The following CILP variants were observed in gnomAD, a reference collection of about 807,000 sequenced individuals.
The protein encoded by CILP is cartilage intermediate layer protein 1.
Under a neutral mutation model 82.5 loss-of-function variants are expected in CILP, and 75 were observed. That is an observed-to-expected ratio of 0.91 (90% CI 0.75 to 1.10). CILP has a LOEUF of 1.10. Ranked by LOEUF, CILP falls within the 50% of genes least tolerant of loss-of-function variation. The pLI is 0.00. For missense variants in CILP, 1,479 were observed against 1,530.8 expected, an observed-to-expected ratio of 0.97 and a Z score of 0.56; for synonymous variants, 530 against 580.3, an observed-to-expected ratio of 0.91 and a Z score of 1.25.
Position 65,209,680 on chromosome 15 carries a change from A to G in CILP, c.61+15T>C, listed in dbSNP as rs1417083954. The G allele has an allele frequency of 3.7e-6, 6 of 1,613,602 alleles. No homozygotes were observed. Among genetic ancestry groups the G allele is most frequent in the African/African-American group, 2.7e-5 (2 of 74,900 alleles). On this transcript the variant is annotated intron_variant, in intron 2 of 8. Transcript: ENST00000261883. ...AAGTGGAAGATTTGGGAGCCAGCAG[A>G]TACTTAGCCTATACCCAACACAGAT...
Position 65,197,303 on chromosome 15 carries a change from C to G in CILP, c.2983G>C (p.Asp995His). The change falls in exon 9 of 9, where the codon GAC becomes CAC. Residue 995 changes from aspartate to histidine, a missense_variant. Coordinates refer to ENST00000261883, the MANE Select transcript of CILP (RefSeq NM_003613.4). ...GCTGAGACATTGGGCTGGTCCCTGT[C>G]CCGAGTGCTCCTCACATCTCGGATT... ...YGIRDVRSTR[D>H]RDQPNVSAAC... 1.2e-6 allele frequency: 2 copies of G among 1,614,038 alleles called. No individual in the cohort carries two copies. The highest frequency in any genetic ancestry group is 2.2e-5 in the South Asian group (2 of 91,028).
At chr15:65,206,337 A>C (rs2088517150) in intron 4 of CILP, among the ~76,000 whole-genome samples, 1 of 152,298 alleles carries the variant, frequency 6.6e-6, no homozygotes, top group South Asian at 2.1e-4. Flanking sequence ...CTCTGCATTC[A>C]TATCATTTAA....
At position 65,202,038 on chromosome 15, in the gene CILP, G is replaced by A; in HGVS notation, c.1029-9C>T. 1 of 1,562,696 alleles carries A rather than the reference G, an allele frequency of 6.4e-7. No individual in the cohort carries two copies. Among genetic ancestry groups the A allele is most frequent in the Non-Finnish European group, 8.7e-7 (1 of 1,153,888 alleles). ...ATGTGTCATTATGATACCTGCAAGG[G>A]ATGGAGAGGTAGAACCTGAATGGGC... is the stretch of plus-strand genomic sequence containing the variant. On this transcript the variant is annotated splice_polypyrimidine_tract_variant and intron_variant, in intron 7 of 8. Transcript: ENST00000261883.
rs2140672827 is a variant in CILP, at chr15:65,198,978, A to G, written c.1308T>C (p.Thr436=). 6.2e-7 allele frequency: 1 copy of G among 1,613,354 alleles called. No individual in the cohort carries two copies. Among genetic ancestry groups the G allele is most frequent in the Non-Finnish European group, 8.5e-7 (1 of 1,180,016 alleles). The change falls in exon 9 of 9, where the codon ACT becomes ACC. Residue 436 remains threonine (T), a synonymous_variant. Transcript: ENST00000261883. ...YYDVGRCPVK[T]CAGQQDNGIR... Reference sequence around the variant, plus strand: ...TCCCATTATCCTGCTGCCCTGCACAAGTCTTAACAGGGCAGCGTCCCACGT... The same window carrying G: ...TCCCATTATCCTGCTGCCCTGCACAGGTCTTAACAGGGCAGCGTCCCACGT...
At chr15:65,199,772 G>A (rs1049351418) in intron 8 of CILP, among the ~76,000 whole-genome samples, 31 of 152,216 alleles carry the variant, frequency 2.0e-4, no homozygotes, top group African/African-American at 6.3e-4. Context: ...GCAGTTAGCC[G>A]TGAGTGTGCC....
intron 2 of CILP, 54 bp downstream of exon 2, chr15:65,209,640 CA>C: frequency 6.4e-7 from 1 of 1,573,298 alleles, no homozygotes; most frequent in Non-Finnish European, 8.7e-7. Context: ...AGACCAGACA[CA>C]ACCTCACTGT....
rs767742089 is a variant in CILP, at chr15:65,196,681, A to G, written c.*50T>C. ...GTGACAGTTTGTGCATCAGTCTCACAATGGCTGTCACATGAAATGAGGGCA... is the reference window on the plus strand; with the variant it reads ...GTGACAGTTTGTGCATCAGTCTCACGATGGCTGTCACATGAAATGAGGGCA... On this transcript the variant is annotated 3_prime_UTR_variant, in exon 9 of 9. Coordinates refer to ENST00000261883, the MANE Select transcript of CILP (RefSeq NM_003613.4). The G allele has an allele frequency of 6.9e-7, 1 of 1,443,786 alleles. No individual in the cohort carries two copies. The highest frequency in any genetic ancestry group is 2.3e-5 in the East Asian group (1 of 43,112). The allele number at this position is 1,443,786 out of a possible 1,614,324, so 89.4% of individuals were successfully genotyped here.
At chr15:65,210,455 C>A (rs533174846) in intron 1 of CILP, among the ~76,000 whole-genome samples, 51 of 152,114 alleles carry the variant, frequency 3.4e-4, no homozygotes, top group African/African-American at 1.2e-3. Flanking sequence ...AGCCAGCTGA[C>A]GGAAAGCAGA....
intron 2 of CILP, among the ~76,000 whole-genome samples, chr15:65,209,058 G>A (rs1020612090): frequency 9.0e-6 from 1 of 111,248 alleles, no homozygotes; most frequent in Non-Finnish European, 1.7e-5. Flanking sequence ...ACCTGAGTAT[G>A]TGCTTAGAAA....
intron 7 of CILP, 60 bp downstream of exon 7, chr15:65,203,302 A>G (rs1317645602): frequency 2.6e-6 from 3 of 1,145,962 alleles, no homozygotes; most frequent in African/African-American, 3.1e-5. Context: ...TCCAGACCCA[A>G]TGCAAGAAGC....
chr15:65,207,671 C>T lies in CILP; in HGVS notation c.154+1G>A. ...CCCTCCCTGCTTCAGCCACAACTCA[C>T]TCTCCAGGGTGTCGGCAGGCTTGGC... On this transcript the variant is annotated splice_donor_variant, in intron 3 of 8. Coordinates refer to ENST00000261883, the MANE Select transcript of CILP (RefSeq NM_003613.4). LOFTEE classifies it high-confidence loss of function. The T allele has an allele frequency of 6.2e-7, 1 of 1,614,066 alleles. No homozygotes were observed. Among genetic ancestry groups the T allele is most frequent in the South Asian group, 1.1e-5 (1 of 91,066 alleles).
chr15:65,201,889 G>A lies in CILP; in HGVS notation c.1169C>T (p.Ala390Val), dbSNP rs1391053578. Reference sequence around the variant, plus strand: ...AGGCTTACCTATGACAATCAGCTGGGCAACCTTGGACTTCACAGCCCCAGC... The same window carrying A: ...AGGCTTACCTATGACAATCAGCTGGACAACCTTGGACTTCACAGCCCCAGC... ...SDAGAVKSKV[A>V]QLIVIASDET... Residue 390 changes from alanine (A) to valine (V), a missense_variant, in exon 8 of 9, where the codon GCC (alanine) becomes GTC (valine). Physicochemically the swap from Ala to Val is moderately conservative, Grantham distance 64 (BLOSUM62 0). Coordinates refer to ENST00000261883, the MANE Select transcript of CILP (RefSeq NM_003613.4). 1.1e-5 allele frequency: 17 copies of A among 1,560,028 alleles called. No individual in the cohort carries two copies. In the Admixed American group the frequency reaches 2.7e-4, roughly 25 times the overall value.
Position 65,207,069 on chromosome 15 carries a change from A to T in CILP, c.155-18T>A, listed in dbSNP as rs762562528. Reference sequence around the variant, plus strand: ...ACCAGGGCCTGAGAGACATAGCCAAATTGCGGAGGAGCCGTGATCCTGGTG... The same window carrying T: ...ACCAGGGCCTGAGAGACATAGCCAATTTGCGGAGGAGCCGTGATCCTGGTG... On this transcript the variant is annotated intron_variant, in intron 3 of 8. Transcript: ENST00000261883. 1 of 1,602,318 alleles carries T rather than the reference A, an allele frequency of 6.2e-7. No homozygotes were observed. The highest frequency in any genetic ancestry group is 8.5e-7 in the Non-Finnish European group (1 of 1,173,566).
chr15:65,200,187 G>A (rs2088432434), intron 8 of CILP, among the ~76,000 whole-genome samples: 1 of 152,146 alleles, frequency 6.6e-6, no homozygotes, highest in Non-Finnish European at 1.5e-5. Context: ...TTTATCCTTT[G>A]TTTTATAGTT....
Position 65,198,561 on chromosome 15 carries a change from C to T in CILP, c.1725G>A (p.Lys575=). The stretch of plus-strand genomic sequence containing the variant: ...TCTCCATGGCTTCCAAAGTGATGGG[C>T]TTTTTCCGACGAAGCATCTTGATTT... ...FHEIKMLRRK[K]PITLEAMETN... The change falls in exon 9 of 9, where the codon AAG becomes AAA. Residue 575 remains lysine (K), a synonymous_variant. Transcript: ENST00000261883. 1.2e-6 allele frequency: 2 copies of T among 1,614,228 alleles called. No individual in the cohort carries two copies. The highest frequency in any genetic ancestry group is 2.7e-5 in the African/African-American group (2 of 75,066).
chr15:65,204,315 T>G lies in CILP; in HGVS notation c.872A>C (p.Lys291Thr), dbSNP rs757374192. Residue 291 changes from lysine (K) to threonine (T), a missense_variant, in exon 6 of 9, where the codon AAG becomes ACG. Physicochemically the swap from Lys to Thr is moderately conservative, Grantham distance 78. Transcript: ENST00000261883. ...GATGGTGGCTGCCTTCAGGCTAGTCTTGGGCATTGTGAGTACAATGGGGGC... is the reference window on the plus strand; with the variant it reads ...GATGGTGGCTGCCTTCAGGCTAGTCGTGGGCATTGTGAGTACAATGGGGGC... ...KFAPIVLTMPKTSLKAATIKA... is the reference protein window; with the variant it reads ...KFAPIVLTMPTTSLKAATIKA... The G allele has an allele frequency of 6.2e-7, 1 of 1,614,190 alleles. No homozygotes were observed. Among genetic ancestry groups the G allele is most frequent in the South Asian group, 1.1e-5 (1 of 91,066 alleles).
chr15:65,210,440 C>T (rs1160682973), intron 1 of CILP, among the ~76,000 whole-genome samples: 1 of 152,018 alleles, frequency 6.6e-6, no homozygotes, highest in Non-Finnish European at 1.5e-5. Context: ...AGTTACACAG[C>T]CAGGAGCCAG....
chr15:65,197,991 C>A lies in CILP; in HGVS notation c.2295G>T (p.Leu765Phe). 6.2e-7 allele frequency: 1 copy of A among 1,614,204 alleles called. No homozygotes were observed. Among genetic ancestry groups the A allele is most frequent in the Non-Finnish European group, 8.5e-7 (1 of 1,180,032 alleles). Residue 765 changes from leucine (L) to phenylalanine (F), a missense_variant, in exon 9 of 9, where the codon TTG (leucine) becomes TTT (phenylalanine). Physicochemically the swap from Leu to Phe is conservative, Grantham distance 22. Transcript: ENST00000261883. ...CAACCCCCTGGATCTGCTCACTAGG[C>A]AAGAACCTCTCACTCCGGTAGGCCC... ...KVRAYRSERFLPSEQIQGVVI... is the reference protein window; with the variant it reads ...KVRAYRSERFFPSEQIQGVVI...
Position 65,198,891 on chromosome 15 carries a change from G to T in CILP, c.1395C>A (p.Ile465=). 1 of 1,614,072 alleles carries T rather than the reference G, an allele frequency of 6.2e-7. No homozygotes were observed. The highest frequency in any genetic ancestry group is 8.5e-7 in the Non-Finnish European group (1 of 1,180,026). Reference sequence around the variant, plus strand: ...TGGGTAGCGTGTAGCCACTGCACTGGATCTCCCTTTCCTCTGTCTTGGAGA... The same window carrying T: ...TGGGTAGCGTGTAGCCACTGCACTGTATCTCCCTTTCCTCTGTCTTGGAGA... ...CGISKTEERE[I]QCSGYTLPTK... The change falls in exon 9 of 9, where the codon ATC becomes ATA. Residue 465 remains isoleucine, a synonymous_variant. Coordinates refer to ENST00000261883, the MANE Select transcript of CILP (RefSeq NM_003613.4).
Sources: gnomAD v4.1 joint callset for allele counts (sites outside exome capture counted in the v4.1 genomes callset) on GRCh38, gnomAD v4.1.1 for gene constraint, MANE v1.5 for transcripts, NCBI Gene and HGNC (gene_info 2026-07-23, HGNC 2026-07-21) for gene names.